The following TMX4 variants were observed in gnomAD, a reference collection of about 807,000 sequenced individuals.
The protein encoded by TMX4 is thioredoxin related transmembrane protein 4.
TMX4 carries 23 observed loss-of-function variants against 33.3 expected under a neutral mutation model. The ratio of observed to expected loss-of-function variants is 0.69; its 90% CI spans 0.50 to 0.98. The LOEUF is 0.98. TMX4 is among the 50% of genes least tolerant of loss of function. The pLI, the probability that TMX4 is intolerant of heterozygous loss-of-function variation, is 0.00. For synonymous variants in TMX4, 164 were observed against 161.5 expected (o/e 1.02, Z -0.12); for missense variants, 399 against 448.9 (o/e 0.89, Z 1.01).
chr20:8,001,649 C>T lies in TMX4; in HGVS notation c.293-108G>A, dbSNP rs4816038. 8.2e-3 allele frequency: 8,802 copies of T among 1,067,118 alleles called. 275 individuals carry two copies. The highest frequency in any genetic ancestry group is 0.069 in the Admixed American group (2,514 of 36,396). The allele number at this position is 1,067,118 out of a possible 1,614,324, so 66.1% of individuals were successfully genotyped here. On this transcript the variant is annotated intron_variant, in intron 2 of 7. Transcript: ENST00000246024. The stretch of plus-strand genomic sequence containing the variant: ...ATTAAAATCACTGCAATTGTTGACT[C>T]ACATTTACTATTTTTTTTGACTTAC...
intron 2 of TMX4, among the ~76,000 whole-genome samples, chr20:8,006,718 C>A (rs1286446086): frequency 6.6e-6 from 1 of 151,306 alleles, no homozygotes; most frequent in African/African-American, 2.4e-5. Context: ...TCACTAACTT[C>A]TCATAGGAGA....
chr20:7,982,327 G>C lies in TMX4; in HGVS notation c.974C>G (p.Pro325Arg), dbSNP rs747994228. Residue 325 changes from proline to arginine, a missense_variant, in exon 8 of 8, where the codon CCC becomes CGC. Coordinates refer to ENST00000246024, the MANE Select transcript of TMX4 (RefSeq NM_021156.4). ...EEAEEGISEQPCPADTEVVED... is the reference protein window; with the variant it reads ...EEAEEGISEQRCPADTEVVED... ...CACCACCTCTGTGTCAGCTGGGCAG[G>C]GTTGCTCAGAGATGCCTTCTTCAGC... 3 of 1,614,042 alleles carry C rather than the reference G, an allele frequency of 1.9e-6. No homozygotes were observed. The highest frequency in any genetic ancestry group is 2.5e-6 in the Non-Finnish European group (3 of 1,180,016).
At chr20:7,984,527 A>G (rs886224774) in intron 6 of TMX4, among the ~76,000 whole-genome samples, 1 of 152,150 alleles carries the variant, frequency 6.6e-6, no homozygotes, top group Non-Finnish European at 1.5e-5. Context: ...AAAAAAAAAC[A>G]TTCCATCTGA....
At chr20:8,010,123 C>A in intron 2 of TMX4, 77 bp downstream of exon 2, 2 of 1,284,794 alleles carry the variant, frequency 1.6e-6, no homozygotes, top group South Asian at 1.3e-5. Flanking sequence ...AGACTCTCAA[C>A]TTTTCTATAT....
intron 2 of TMX4, among the ~76,000 whole-genome samples, chr20:8,008,550 A>T (rs2050739835): frequency 6.6e-6 from 1 of 152,190 alleles, no homozygotes; most frequent in African/African-American, 2.4e-5. Context: ...ATTAAACATA[A>T]GATTTGTGAA....
At chr20:7,986,637 TAAC>T (rs1185380924) in intron 6 of TMX4, among the ~76,000 whole-genome samples, 2 of 152,120 alleles carry the variant, frequency 1.3e-5, no homozygotes, top group South Asian at 2.1e-4. Context: ...AAATAAAAAA[TAAC>T]AAGAAGTACA....
At chr20:8,010,099 G>A (rs1358899713) in intron 2 of TMX4, 101 bp downstream of exon 2, 5 of 896,610 alleles carry the variant, frequency 5.6e-6, no homozygotes, top group East Asian at 2.8e-5. Context: ...CAGTTCATGG[G>A]TAATCAATAT....
In TMX4 at chr20:8,019,624, G is replaced by A. The variant is rs1358356255; in HGVS notation, c.-11C>T. ...GCGCCCACCCGCCATGTTGGGCGCC[G>A]AGCGAGGCTTCTCGGCGGGGAGTGT... On this transcript the variant is annotated 5_prime_UTR_variant, in exon 1 of 8. Transcript: ENST00000246024. 3 of 1,334,668 alleles carry A rather than the reference G, an allele frequency of 2.2e-6. No homozygotes were observed. Among genetic ancestry groups the A allele is most frequent in the Non-Finnish European group, 2.9e-6 (3 of 1,041,900 alleles). 82.7% of individuals were successfully genotyped at this position (1,334,668 alleles called of 1,614,324 possible). A position where few individuals can be genotyped will look rare whatever the true frequency, so the allele number is the denominator to read the frequency against.
chr20:8,006,134 G>A (rs1439822244), intron 2 of TMX4, among the ~76,000 whole-genome samples: 1 of 149,998 alleles, frequency 6.7e-6, no homozygotes, highest in Non-Finnish European at 1.5e-5. Context: ...CCGTGGGATC[G>A]GAGCCCCACA....
At chr20:7,984,927 A>G (rs923882200) in intron 6 of TMX4, among the ~76,000 whole-genome samples, 2 of 152,146 alleles carry the variant, frequency 1.3e-5, no homozygotes, top group Non-Finnish European at 2.9e-5. Context: ...ATTCAGAGCC[A>G]GCCTCAGGCA....
Position 7,999,716 on chromosome 20 carries a change from T to C in TMX4, c.467+16A>G, listed in dbSNP as rs1568536531. 6.2e-7 allele frequency: 1 copy of C among 1,606,800 alleles called. No homozygotes were observed. Among genetic ancestry groups the C allele is most frequent in the Non-Finnish European group, 8.5e-7 (1 of 1,177,974 alleles). The stretch of plus-strand genomic sequence containing the variant: ...CTGTTTTATTAGTAACACCTTGTCT[T>C]AAAAAATTGAGTTACGTTAGAGAAG... On this transcript the variant is annotated intron_variant, in intron 4 of 7. Transcript: ENST00000246024.
intron 5 of TMX4, among the ~76,000 whole-genome samples, chr20:7,989,282 G>T (rs1043782916): frequency 1.3e-5 from 2 of 151,936 alleles, no homozygotes; most frequent in Non-Finnish European, 2.9e-5. Flanking sequence ...ACCCATGAAT[G>T]TATTTTAGAA....
At chr20:7,992,050 T>C (rs1386683960) in intron 5 of TMX4, among the ~76,000 whole-genome samples, 5 of 152,270 alleles carry the variant, frequency 3.3e-5, no homozygotes, top group South Asian at 2.1e-4. Flanking sequence ...TGATGCTTCC[T>C]GAAGTTCAAT....
intron 1 of TMX4, among the ~76,000 whole-genome samples, chr20:8,016,898 C>G (rs1193744628): frequency 1.3e-5 from 2 of 152,108 alleles, no homozygotes; most frequent in African/African-American, 4.8e-5. Flanking sequence ...GAACTACTAA[C>G]AATTTCCATT....
chr20:8,014,963 G>A (rs2050767110), intron 1 of TMX4, among the ~76,000 whole-genome samples: 2 of 151,806 alleles, frequency 1.3e-5, no homozygotes, highest in Admixed American at 1.3e-4. Context: ...TTATGGCCTT[G>A]CTCCCCACTT....
In TMX4 at chr20:7,982,600, T is replaced by C; in HGVS notation, c.701A>G (p.Glu234Gly). The C allele has an allele frequency of 6.2e-7, 1 of 1,612,280 alleles. No individual in the cohort carries two copies. ...CTGCAACTGTTCAGCTCTATGAGCC[T>C]CCTCTGATCTCCGATTCTGCTCTAT... is the stretch of plus-strand genomic sequence containing the variant. ...ERSEQNRRSE[E>G]AHRAEQLQDA... is the part of the protein sequence containing the mutation. The change falls in exon 8 of 8, where the codon GAG becomes GGG. Residue 234 changes from glutamate to glycine, a missense_variant. Physicochemically the swap from Glu to Gly is moderately conservative, Grantham distance 98 (BLOSUM62 -2). Coordinates refer to ENST00000246024, the MANE Select transcript of TMX4 (RefSeq NM_021156.4).
chr20:7,992,323 A>T (rs1227102136), intron 5 of TMX4, among the ~76,000 whole-genome samples: 1 of 152,220 alleles, frequency 6.6e-6, no homozygotes, highest in Non-Finnish European at 1.5e-5. Context: ...AGATATTAAC[A>T]GCTAATGAGG....
chr20:7,980,550 T>C lies in TMX4; in HGVS notation c.*1701A>G, dbSNP rs1324411534. 1 of 152,368 alleles carries C rather than the reference T, an allele frequency of 6.6e-6. No homozygotes were observed. Among genetic ancestry groups the C allele is most frequent in the Non-Finnish European group, 1.5e-5 (1 of 68,222 alleles). The allele number at this position is 152,368 out of a possible 1,614,324, so 9.4% of individuals were successfully genotyped here. A position where few individuals can be genotyped will look rare whatever the true frequency, so the allele number is the denominator to read the frequency against. On this transcript the variant is annotated 3_prime_UTR_variant, in exon 8 of 8. Coordinates refer to ENST00000246024, the MANE Select transcript of TMX4 (RefSeq NM_021156.4). ...AGGGGGCAGGAAACAGGCAGGCACA[T>C]GGCAAGGTTCTCCCAGCCCATCAGC...
intron 5 of TMX4, among the ~76,000 whole-genome samples, chr20:7,990,718 G>C (rs886405403): frequency 3.9e-4 from 59 of 152,152 alleles, no homozygotes; most frequent in African/African-American, 1.4e-3. Context: ...TGTGTCATAG[G>C]ATATACTCTC....
Sources: gnomAD v4.1 joint callset for allele counts (sites outside exome capture counted in the v4.1 genomes callset) on GRCh38, gnomAD v4.1.1 for gene constraint, MANE v1.5 for transcripts, NCBI Gene and HGNC (gene_info 2026-07-23, HGNC 2026-07-21) for gene names.